STAB2: variants seen among roughly 807,000 people sequenced by gnomAD.
STAB2 encodes stabilin-2.
STAB2 carries 288 observed loss-of-function variants against 338.1 expected under a neutral mutation model. That is an observed-to-expected ratio of 0.85 (90% CI 0.77 to 0.94). The LOEUF (loss-of-function observed/expected upper bound fraction) is 0.94. Ranked by LOEUF, STAB2 falls within the 40% of genes least tolerant of loss-of-function variation. The pLI, the probability that STAB2 is intolerant of heterozygous loss-of-function variation, is 0.00. For missense variants in STAB2, 3,141 were observed against 3,210.1 expected (o/e 0.98, Z 0.52); for synonymous variants, 1,202 against 1,193.3 (o/e 1.01, Z -0.15).
chr12:103,708,437 T>C lies in STAB2; in HGVS notation c.4193-4T>C. Reference sequence around the variant, plus strand: ...GACGATTTGCAGGTGATTTTCCCACTTAGCATGTTCTTGTGTCCATGGGAG... The same window carrying C: ...GACGATTTGCAGGTGATTTTCCCACCTAGCATGTTCTTGTGTCCATGGGAG... On this transcript the variant is annotated splice_polypyrimidine_tract_variant and splice_region_variant and intron_variant, in intron 38 of 68. Coordinates refer to ENST00000388887, the MANE Select transcript of STAB2 (RefSeq NM_017564.10). 6.2e-7 allele frequency: 1 copy of C among 1,613,990 alleles called. No homozygotes were observed. Among genetic ancestry groups the C allele is most frequent in the South Asian group, 1.1e-5 (1 of 91,068 alleles).
chr12:103,626,275 T>A (rs1430978385), intron 5 of STAB2, among the ~76,000 whole-genome samples: 1 of 152,172 alleles, frequency 6.6e-6, no homozygotes, highest in South Asian at 2.1e-4. Context: ...TCACTTAATA[T>A]CATTTAATTC....
At chr12:103,668,489 G>C (rs936605352) in intron 19 of STAB2, 154 bp from the exon 20 acceptor site, 6 of 664,148 alleles carry the variant, frequency 9.0e-6, no homozygotes, top group Non-Finnish European at 1.3e-5. Context: ...TCCAAGCTCT[G>C]ATGTAGACCC....
intron 49 of STAB2, 152 bp from the exon 50 acceptor site, chr12:103,731,424 G>A (rs10861084): frequency 0.043 from 28,928 of 672,646 alleles, 1,722 homozygotes; most frequent in African/African-American, 0.22. Flanking sequence ...GCAGAAAAGC[G>A]TGGTCAGAAG....
chr12:103,711,604 T>C (rs1249383351), intron 40 of STAB2, 88 bp downstream of exon 40: 1 of 1,454,252 alleles, frequency 6.9e-7, no homozygotes. Context: ...TCAGGGGATT[T>C]GTTTCCTGAC....
intron 15 of STAB2, among the ~76,000 whole-genome samples, chr12:103,655,794 G>T (rs1306998341): frequency 6.6e-6 from 1 of 152,106 alleles, no homozygotes; most frequent in Non-Finnish European, 1.5e-5. Context: ...ATTTCAAGTT[G>T]CCATGATCAA....
intron 34 of STAB2, among the ~76,000 whole-genome samples, chr12:103,702,447 C>T (rs1001299384): frequency 3.3e-5 from 5 of 151,960 alleles, no homozygotes; most frequent in South Asian, 2.1e-4. Flanking sequence ...TACAGGCGCC[C>T]GCCACCGCGC....
chr12:103,749,235 CT>C, intron 59 of STAB2, 79 bp downstream of exon 59: 1 of 1,417,636 alleles, frequency 7.1e-7, no homozygotes, highest in African/African-American at 1.4e-5. Flanking sequence ...CTCCCATACT[CT>C]GCTTATCTCC....
chr12:103,765,772 G>A (rs1487670093), intron 68 of STAB2, among the ~76,000 whole-genome samples: 1 of 108,630 alleles, frequency 9.2e-6, no homozygotes, highest in East Asian at 4.7e-4. Context: ...GAACTCCTGA[G>A]CTCAAGTGAT....
Position 103,631,606 on chromosome 12 carries a change from T to C in STAB2, c.496T>C (p.Cys166Arg), listed in dbSNP as rs765219890. The C allele has an allele frequency of 1.9e-6, 3 of 1,614,040 alleles. No individual in the cohort carries two copies. Among genetic ancestry groups the C allele is most frequent in the African/African-American group, 1.3e-5 (1 of 74,908 alleles). The change falls in exon 6 of 69, where the codon TGT becomes CGT. Residue 166 changes from cysteine (C) to arginine (R), a missense_variant. Transcript: ENST00000388887. The stretch of plus-strand genomic sequence containing the variant: ...CCACTTTCTGTCTCCAGTGTGCAAC[T>C]GTGTGCATGGGGTGTGCAACAGTGG... ...FGPSCSSVCN[C>R]VHGVCNSGLD...
At chr12:103,731,708 G>A in intron 50 of STAB2, 73 bp downstream of exon 50, 1 of 1,510,594 alleles carries the variant, frequency 6.6e-7, no homozygotes, top group Non-Finnish European at 9.1e-7. Context: ...TTTTGTTGTT[G>A]TTTCTGTTTT....
intron 19 of STAB2, among the ~76,000 whole-genome samples, chr12:103,668,095 C>A (rs1202616609): frequency 6.6e-6 from 1 of 152,214 alleles, no homozygotes; most frequent in Non-Finnish European, 1.5e-5. Context: ...CTCATCTGTG[C>A]AATGTGTCTG....
At position 103,670,142 on chromosome 12, in the gene STAB2, T is replaced by G. The variant is rs78194185; in HGVS notation, c.2259+515T>G. Among the ~76,000 whole-genome samples, 783 of 151,418 alleles carry G rather than the reference T, an allele frequency of 5.2e-3. 4 individuals carry two copies. Among genetic ancestry groups the G allele is most frequent in the African/African-American group, 0.019 (764 of 41,178 alleles). On this transcript the variant is annotated intron_variant, in intron 21 of 68. Coordinates refer to ENST00000388887, the MANE Select transcript of STAB2 (RefSeq NM_017564.10). ...AATAAGCCCGCCTCTAAAACGTGGC[T>G]TTTTCAAGGGGAAAGTATCAGCCAT...
intron 3 of STAB2, among the ~76,000 whole-genome samples, chr12:103,598,825 C>A (rs1000105120): frequency 1.3e-5 from 2 of 152,148 alleles, no homozygotes. Context: ...CTATATGCTG[C>A]GTACAATCAG....
In STAB2 at chr12:103,711,493, T is replaced by G; in HGVS notation, c.4311T>G (p.Asn1437Lys). Reference sequence around the variant, plus strand: ...CAGCAACCACAGAAGACAACTGCAATGGGACATGCCATACCAGCGCCAAGT... The same window carrying G: ...CAGCAACCACAGAAGACAACTGCAAGGGGACATGCCATACCAGCGCCAAGT... ...CDNATTEDNC[N>K]GTCHTSANCL... Residue 1437 changes from asparagine (N) to lysine (K), a missense_variant, in exon 40 of 69, where the codon AAT (asparagine) becomes AAG (lysine). Coordinates refer to ENST00000388887, the MANE Select transcript of STAB2 (RefSeq NM_017564.10). The G allele has an allele frequency of 6.2e-7, 1 of 1,614,054 alleles. No individual in the cohort carries two copies. Among genetic ancestry groups the G allele is most frequent in the Non-Finnish European group, 8.5e-7 (1 of 1,180,008 alleles).
intron 5 of STAB2, among the ~76,000 whole-genome samples, chr12:103,625,131 A>G (rs1203553678): frequency 1.3e-5 from 2 of 152,236 alleles, no homozygotes; most frequent in Non-Finnish European, 2.9e-5. Flanking sequence ...AATGGGAAGG[A>G]GTAAATAAAG....
intron 64 of STAB2, 123 bp downstream of exon 64, chr12:103,758,412 G>A: frequency 6.7e-7 from 1 of 1,490,932 alleles, no homozygotes; most frequent in Non-Finnish European, 9.0e-7. Flanking sequence ...CAGATCATCT[G>A]CAGATCAGTT....
At chr12:103,744,461 CTTTTTTTT>C (rs3035275) in intron 56 of STAB2, among the ~76,000 whole-genome samples, 67 of 122,432 alleles carry the variant, frequency 5.5e-4, no homozygotes, top group Middle Eastern at 4.4e-3. Flanking sequence ...CACAATTTTA[CTTTTTTTT>C]TTTTTTTTTT....
At chr12:103,661,048 C>T (rs1874564094) in intron 17 of STAB2, among the ~76,000 whole-genome samples, 1 of 151,990 alleles carries the variant, frequency 6.6e-6, no homozygotes, top group African/African-American at 2.4e-5. Flanking sequence ...TATTTAATTA[C>T]AATGGTAATG....
intron 60 of STAB2, 126 bp downstream of exon 60, chr12:103,750,846 T>C: frequency 5.4e-6 from 7 of 1,295,190 alleles, no homozygotes; most frequent in Non-Finnish European, 6.1e-6. Flanking sequence ...ATCCCAATAC[T>C]TTGGGAGGCC....
Sources: allele counts gnomAD v4.1 joint callset (sites outside exome capture counted in the v4.1 genomes callset), GRCh38; gene constraint gnomAD v4.1.1; transcripts MANE v1.5; gene names NCBI Gene and HGNC (gene_info 2026-07-23, HGNC 2026-07-21).